Variants in ADCY5 observed in about 807,000 individuals in gnomAD.
ADCY5 encodes the protein adenylate cyclase 5.
ADCY5 carries 30 observed loss-of-function variants against 119.7 expected under a neutral mutation model. The observed-to-expected ratio is 0.25, with a 90% confidence interval of 0.19 to 0.34. ADCY5 has a LOEUF of 0.34. Ranked by LOEUF, ADCY5 falls within the 10% of genes least tolerant of loss-of-function variation. The pLI, the probability that ADCY5 is intolerant of heterozygous loss-of-function variation, is 1.00. For synonymous variants in ADCY5, 753 were observed against 762.2 expected, an observed-to-expected ratio of 0.99 and a Z score of 0.20; for missense variants, 1,324 against 1,775.2, an observed-to-expected ratio of 0.75 and a Z score of 4.57.
intron 1 of ADCY5, among the ~76,000 whole-genome samples, chr3:123,436,642 G>A (rs1315910850): frequency 6.6e-6 from 1 of 152,134 alleles, no homozygotes; most frequent in African/African-American, 2.4e-5. Context: ...GGAGGCAGAG[G>A]TTGCAGTGAG....
intron 1 of ADCY5, among the ~76,000 whole-genome samples, chr3:123,380,795 T>C (rs1435056597): frequency 1.3e-5 from 2 of 152,146 alleles, no homozygotes; most frequent in Non-Finnish European, 2.9e-5. Flanking sequence ...GTCATCAACA[T>C]CATTACCGCT....
At chr3:123,368,102 A>C in intron 1 of ADCY5, 4 of 1,365,220 alleles carry the variant, frequency 2.9e-6, no homozygotes, top group Non-Finnish European at 3.8e-6. Flanking sequence ...GGGAGTCAGG[A>C]GCCCCAGGGG....
intron 1 of ADCY5, among the ~76,000 whole-genome samples, chr3:123,374,692 AG>A (rs893527236): frequency 2.0e-5 from 3 of 149,386 alleles, no homozygotes; most frequent in African/African-American, 7.3e-5. Flanking sequence ...CTTTGGCAAA[AG>A]GGGGGCAGCA....
intron 1 of ADCY5, among the ~76,000 whole-genome samples, chr3:123,438,602 G>A (rs1031499472): frequency 3.3e-5 from 5 of 152,158 alleles, no homozygotes; most frequent in Non-Finnish European, 7.3e-5. Context: ...CTGCCCCATA[G>A]CAGGCTCAGT....
chr3:123,425,707 A>C (rs76723792), intron 1 of ADCY5, among the ~76,000 whole-genome samples: 429 of 144,992 alleles, frequency 3.0e-3, no homozygotes, highest in South Asian at 4.1e-3. Flanking sequence ...GGCCCAGCCC[A>C]CCCCCCAGTT....
At chr3:123,417,424 A>G (rs371328970) in intron 1 of ADCY5, among the ~76,000 whole-genome samples, 33 of 152,364 alleles carry the variant, frequency 2.2e-4, no homozygotes, top group African/African-American at 7.7e-4. Flanking sequence ...CCCTGGACAG[A>G]CAGGTCCCCA....
At chr3:123,323,756 C>A (rs1244462063) in intron 8 of ADCY5, among the ~76,000 whole-genome samples, 1 of 152,094 alleles carries the variant, frequency 6.6e-6, no homozygotes, top group African/African-American at 2.4e-5. Context: ...ACCTCCTGGG[C>A]TCAAGTGATC....
At chr3:123,364,746 C>G (rs2107513754) in intron 1 of ADCY5, among the ~76,000 whole-genome samples, 3 of 152,112 alleles carry the variant, frequency 2.0e-5, no homozygotes, top group Middle Eastern at 6.8e-3. Flanking sequence ...AATGTACATT[C>G]ATTACGGAAC....
At chr3:123,421,926 G>A (rs1945311357) in intron 1 of ADCY5, among the ~76,000 whole-genome samples, 1 of 152,176 alleles carries the variant, frequency 6.6e-6, no homozygotes, top group East Asian at 1.9e-4. Flanking sequence ...CTGGCCTGGA[G>A]CCAGCCCCTC....
intron 1 of ADCY5, among the ~76,000 whole-genome samples, chr3:123,436,422 T>C (rs1945618527): frequency 6.6e-6 from 1 of 152,092 alleles, no homozygotes; most frequent in African/African-American, 2.4e-5. Context: ...AACTGTCTTT[T>C]GGCTGGGAAT....
chr3:123,354,353 G>A (rs900923252), intron 1 of ADCY5, among the ~76,000 whole-genome samples: 1 of 152,184 alleles, frequency 6.6e-6, no homozygotes, highest in African/African-American at 2.4e-5. Context: ...GAAGCCCAAA[G>A]CATGAGGGAA....
intron 12 of ADCY5, among the ~76,000 whole-genome samples, chr3:123,308,052 G>A (rs1259592919): frequency 1.5e-4 from 2 of 13,564 alleles, no homozygotes; most frequent in Non-Finnish European, 3.7e-4. Flanking sequence ...TTTTTTTTTT[G>A]AGACAGAGTC....
intron 1 of ADCY5, among the ~76,000 whole-genome samples, chr3:123,358,897 A>G (rs1301820125): frequency 6.6e-6 from 1 of 152,210 alleles, no homozygotes; most frequent in Admixed American, 6.5e-5. Context: ...GAAGACTCAA[A>G]GAAACCCCAG....
At chr3:123,348,278 G>T (rs1171962487) in intron 2 of ADCY5, among the ~76,000 whole-genome samples, 3 of 151,954 alleles carry the variant, frequency 2.0e-5, no homozygotes, top group African/African-American at 7.3e-5. Context: ...TGAGCCTCAG[G>T]TTGCTCGTCT....
At chr3:123,332,763 C>CT (rs894886812) in intron 3 of ADCY5, 88 bp from the exon 4 acceptor site, 848 of 918,270 alleles carry the variant, frequency 9.2e-4, no homozygotes, top group Non-Finnish European at 1.1e-3. Flanking sequence ...TTTTTCTTTT[C>CT]TTTTTTTTTA....
chr3:123,407,589 TAA>T (rs35895488), intron 1 of ADCY5, among the ~76,000 whole-genome samples: 3 of 94,168 alleles, frequency 3.2e-5, no homozygotes, highest in Admixed American at 1.2e-4. Flanking sequence ...CTATCTCTAC[TAA>T]AAAAAAAAAA....
chr3:123,447,451 G>A lies in ADCY5; in HGVS notation c.1095C>T (p.Ala365=), dbSNP rs1282007524. The A allele has an allele frequency of 1.9e-6, 3 of 1,607,032 alleles. No individual in the cohort carries two copies. The highest frequency in any genetic ancestry group is 1.6e-4 in the Middle Eastern group (1 of 6,070). Residue 365 remains alanine, a synonymous_variant, in exon 1 of 21, where the codon GCC becomes GCT. Transcript: ENST00000462833. ...VLLSALHLAI[A]LRTNAQDQFL... is the part of the protein sequence containing the mutation. ...ACTGGTCCTGGGCGTTGGTGCGCAG[G>A]GCGATGGCCAGGTGGAGGGCGGACA...
intron 3 of ADCY5, among the ~76,000 whole-genome samples, chr3:123,346,805 G>A (rs1046597929): frequency 1.3e-5 from 2 of 152,144 alleles, no homozygotes; most frequent in African/African-American, 2.4e-5. Flanking sequence ...GGAACTCTCC[G>A]GAAGGCAAAC....
At chr3:123,359,654 G>A (rs896228419) in intron 1 of ADCY5, among the ~76,000 whole-genome samples, 5 of 152,148 alleles carry the variant, frequency 3.3e-5, no homozygotes, top group African/African-American at 1.2e-4. Flanking sequence ...ACCACAAGAG[G>A]CTGGACCACC....
Sources: allele counts gnomAD v4.1 joint callset (sites outside exome capture counted in the v4.1 genomes callset), GRCh38; gene constraint gnomAD v4.1.1; transcripts MANE v1.5; gene names NCBI Gene and HGNC (gene_info 2026-07-23, HGNC 2026-07-21).